Variants in FAM110B observed in about 807,000 individuals in gnomAD.
FAM110B encodes protein FAM110B.
FAM110B carries 6 observed loss-of-function variants against 20.4 expected under a neutral mutation model. The observed-to-expected ratio is 0.29, with a 90% confidence interval of 0.16 to 0.58. FAM110B has a LOEUF of 0.58. Ranked by LOEUF, FAM110B falls within the 20% of genes least tolerant of loss-of-function variation. The pLI, the probability that FAM110B is intolerant of heterozygous loss-of-function variation, is 0.90. For synonymous variants in FAM110B, 226 were observed against 214.1 expected, an observed-to-expected ratio of 1.06 and a Z score of -0.49; for missense variants, 434 against 498.2, an observed-to-expected ratio of 0.87 and a Z score of 1.23.
intron 1 of FAM110B, among the ~76,000 whole-genome samples, chr8:58,030,181 C>T (rs1330824994): frequency 6.6e-6 from 1 of 152,124 alleles, no homozygotes; most frequent in Non-Finnish European, 1.5e-5. Context: ...ATTTGAGTTG[C>T]TGGAAATCCC....
chr8:58,040,661 A>G (rs1003939431), intron 2 of FAM110B, among the ~76,000 whole-genome samples: 1 of 152,194 alleles, frequency 6.6e-6, no homozygotes, highest in Non-Finnish European at 1.5e-5. Context: ...CTTTTTTGCT[A>G]ACAATTATAT....
chr8:58,038,042 T>C (rs1238091248), intron 2 of FAM110B, among the ~76,000 whole-genome samples: 1 of 152,212 alleles, frequency 6.6e-6, no homozygotes, highest in Non-Finnish European at 1.5e-5. Flanking sequence ...GAATTCTAGA[T>C]TGTTTTGCTT....
intron 3 of FAM110B, among the ~76,000 whole-genome samples, chr8:58,106,941 C>T (rs552369608): frequency 1.3e-5 from 2 of 152,132 alleles, no homozygotes; most frequent in Non-Finnish European, 2.9e-5. Context: ...CGAGTTTTAA[C>T]GCTTTGACAA....
At chr8:58,011,261 TTCCTATGGCTCTAAGC>T (rs1169917348) in intron 1 of FAM110B, among the ~76,000 whole-genome samples, 1 of 152,144 alleles carries the variant, frequency 6.6e-6, no homozygotes, top group African/African-American at 2.4e-5. Flanking sequence ...AATTTCTAAA[TTCCTATGGCTCTAAGC>T]TCCCTAACAG....
intron 1 of FAM110B, among the ~76,000 whole-genome samples, chr8:58,029,696 A>G (rs1252385985): frequency 6.6e-6 from 1 of 152,340 alleles, no homozygotes; most frequent in African/African-American, 2.4e-5. Flanking sequence ...TGAAGTGGTC[A>G]CTTAACCACT....
At position 58,010,300 on chromosome 8, in the gene FAM110B, G is replaced by A. The variant is rs544850561; in HGVS notation, c.-512+15494G>A. Among the ~76,000 whole-genome samples the A allele has an allele frequency of 1.6e-4, 24 of 152,048 alleles. No individual in the cohort carries two copies. The East Asian group carries it at 4.2e-3, about 27-fold the overall frequency. ...GCCTCCCACAGTGCTGGGATTACAGGTGTGCGCCACCATGCCCGGTCTCGT... is the reference window on the plus strand; with the variant it reads ...GCCTCCCACAGTGCTGGGATTACAGATGTGCGCCACCATGCCCGGTCTCGT... On this transcript the variant is annotated intron_variant, in intron 1 of 3. Transcript: ENST00000519262.
At chr8:58,005,944 C>T (rs553448327) in intron 1 of FAM110B, among the ~76,000 whole-genome samples, 5 of 152,042 alleles carry the variant, frequency 3.3e-5, no homozygotes, top group Non-Finnish European at 7.4e-5. Flanking sequence ...TATTGCCTAA[C>T]GTGGTGATAT....
Position 58,140,977 on chromosome 8 carries a change from G to A in FAM110B, c.-324-4930G>A, listed in dbSNP as rs191422913. On this transcript the variant is annotated intron_variant, in intron 3 of 3. Coordinates refer to ENST00000519262, the MANE Select transcript of FAM110B (RefSeq NM_001377989.1). ...TTACACATAATTGCTCCACCAATAG[G>A]TACTAATTAATTGAACACAGCCATA... 2.9e-3 allele frequency among the ~76,000 whole-genome samples: 441 copies of A among 152,166 alleles called. 2 individuals carry two copies. The highest frequency in any genetic ancestry group is 6.8e-3 in the Middle Eastern group (2 of 294).
intron 3 of FAM110B, among the ~76,000 whole-genome samples, chr8:58,081,765 A>G (rs1806199122): frequency 6.6e-6 from 1 of 152,124 alleles, no homozygotes; most frequent in Non-Finnish European, 1.5e-5. Context: ...CCCGTTTCAA[A>G]AGTTACTTTT....
At chr8:58,016,847 G>C (rs1254291906) in intron 1 of FAM110B, among the ~76,000 whole-genome samples, 1 of 152,136 alleles carries the variant, frequency 6.6e-6, no homozygotes, top group Non-Finnish European at 1.5e-5. Context: ...CCTGAAGAAG[G>C]TCAGATTTGA....
intron 3 of FAM110B, among the ~76,000 whole-genome samples, chr8:58,109,202 G>T (rs968742323): frequency 3.3e-5 from 5 of 152,058 alleles, no homozygotes; most frequent in African/African-American, 1.2e-4. Flanking sequence ...CCCATACTTG[G>T]CCCACAGCCC....
intron 2 of FAM110B, among the ~76,000 whole-genome samples, chr8:58,053,436 GAAGA>G (rs143716053): frequency 0.045 from 6,812 of 152,352 alleles, 176 homozygotes; most frequent in South Asian, 0.11. Flanking sequence ...TTAACTGACA[GAAGA>G]AAGAAGAATG....
chr8:58,006,639 G>A (rs1412353643), intron 1 of FAM110B, among the ~76,000 whole-genome samples: 1 of 148,176 alleles, frequency 6.7e-6, no homozygotes, highest in African/African-American at 2.5e-5. Flanking sequence ...GTCTCACTCT[G>A]TCACCCAGGC....
intron 2 of FAM110B, among the ~76,000 whole-genome samples, chr8:58,062,229 A>G (rs1056275266): frequency 2.0e-5 from 3 of 152,226 alleles, no homozygotes; most frequent in Admixed American, 2.0e-4. Context: ...TAAATTAGAA[A>G]CAGGAGAAAT....
Position 58,095,316 on chromosome 8 carries a change from T to G in FAM110B, c.-325+19693T>G, listed in dbSNP as rs149421449. Among the ~76,000 whole-genome samples, 791 of 152,322 alleles carry G rather than the reference T, an allele frequency of 5.2e-3. 5 individuals are homozygous for G. Among genetic ancestry groups the G allele is most frequent in the Non-Finnish European group, 9.2e-3 (628 of 68,032 alleles). ...AGTTCGCTCTTGCTTCTCTAGTTCT[T>G]TTAATTGTGATGTTAGGGTGTCGAT... On this transcript the variant is annotated intron_variant, in intron 3 of 3. Coordinates refer to ENST00000519262, the MANE Select transcript of FAM110B (RefSeq NM_001377989.1).
intron 3 of FAM110B, among the ~76,000 whole-genome samples, chr8:58,092,541 T>C (rs1291587782): frequency 6.6e-6 from 1 of 152,192 alleles, no homozygotes; most frequent in Non-Finnish European, 1.5e-5. Flanking sequence ...TGATAGTTTC[T>C]AGCTTCGTCC....
At chr8:58,079,051 C>T (rs928571170) in intron 3 of FAM110B, among the ~76,000 whole-genome samples, 1 of 152,118 alleles carries the variant, frequency 6.6e-6, no homozygotes, top group Non-Finnish European at 1.5e-5. Flanking sequence ...TTGTCAATGA[C>T]TCATCATCCT....
intron 3 of FAM110B, among the ~76,000 whole-genome samples, chr8:58,104,620 CT>C (rs1806865899): frequency 6.6e-6 from 1 of 152,144 alleles, no homozygotes; most frequent in Non-Finnish European, 1.5e-5. Context: ...GGCAATATTA[CT>C]ACTATTCTTA....
intron 2 of FAM110B, among the ~76,000 whole-genome samples, chr8:58,067,472 C>T (rs960281447): frequency 1.3e-5 from 2 of 152,176 alleles, no homozygotes; most frequent in Non-Finnish European, 2.9e-5. Flanking sequence ...CCTTCCTCCT[C>T]CATCCACTGC....
Sources: allele counts gnomAD v4.1 joint callset (sites outside exome capture counted in the v4.1 genomes callset), GRCh38; gene constraint gnomAD v4.1.1; transcripts MANE v1.5; gene names NCBI Gene and HGNC (gene_info 2026-07-23, HGNC 2026-07-21).